The following POU6F2 variants were observed in gnomAD, a reference collection of about 807,000 sequenced individuals.
The protein encoded by POU6F2 is POU class 6 homeobox 2, also known as POU domain, class 6, transcription factor 2.
A neutral mutation model predicts 71.3 loss-of-function variants in POU6F2; 31 were observed. The observed-to-expected ratio is 0.43, with a 90% CI of 0.33 to 0.59. POU6F2 has a LOEUF of 0.59. Among genes scored for constraint, POU6F2 ranks in the 20% least tolerant of loss-of-function variants. POU6F2 has a pLI of 0.04. For missense variants in POU6F2, 783 were observed against 856.8 expected, an observed-to-expected ratio of 0.91 and a Z score of 1.07; for synonymous variants, 347 against 355.7, an observed-to-expected ratio of 0.98 and a Z score of 0.27.
intron 5 of POU6F2, among the ~76,000 whole-genome samples, chr7:39,350,504 C>T (rs1315614349): frequency 6.6e-6 from 1 of 152,192 alleles, no homozygotes; most frequent in Non-Finnish European, 1.5e-5. Flanking sequence ...GAGCAGTTCT[C>T]ACCTCCAGTA....
At chr7:39,157,558 T>C (rs895975701) in intron 2 of POU6F2, among the ~76,000 whole-genome samples, 4 of 152,226 alleles carry the variant, frequency 2.6e-5, no homozygotes, top group African/African-American at 9.6e-5. Flanking sequence ...GCATCCTTCA[T>C]ATAAATATAT....
chr7:39,276,722 A>G (rs1784446664), intron 4 of POU6F2, among the ~76,000 whole-genome samples: 2 of 152,110 alleles, frequency 1.3e-5, no homozygotes, highest in Admixed American at 1.3e-4. Context: ...CTATGCATCC[A>G]TAAAAAATGA....
intron 2 of POU6F2, among the ~76,000 whole-genome samples, chr7:39,168,539 G>C: frequency 6.6e-6 from 1 of 152,178 alleles, no homozygotes; most frequent in East Asian, 1.9e-4. Flanking sequence ...AAGCAATACA[G>C]ATTTGTTAAA....
In POU6F2 at chr7:39,191,468, G is replaced by GTAAATTTAAGAATTT. The variant is rs772596576; in HGVS notation, c.278-12767_278-12766insTAAATTTAAGAATTT. ...AAGAAGTAAATTTTTTAAGAATTTG[G>GTAAATTTAAGAATTT]ACTGAAAACCTGTAAGTTATAATCA... On this transcript the variant is annotated intron_variant, in intron 2 of 9. Transcript: ENST00000518318. 7.8e-3 allele frequency among the ~76,000 whole-genome samples: 1,180 copies of GTAAATTTAAGAATTT among 152,142 alleles called. 5 individuals carry two copies. Among genetic ancestry groups the GTAAATTTAAGAATTT allele is most frequent in the South Asian group, 0.021 (99 of 4,810 alleles).
intron 4 of POU6F2, among the ~76,000 whole-genome samples, chr7:39,244,302 C>T (rs1783781332): frequency 6.6e-6 from 1 of 152,046 alleles, no homozygotes; most frequent in Admixed American, 6.6e-5. Context: ...CAAACCATGC[C>T]CACGCTGCAA....
intron 1 of POU6F2, among the ~76,000 whole-genome samples, chr7:38,984,007 T>C (rs1472415704): frequency 6.6e-6 from 1 of 152,148 alleles, no homozygotes; most frequent in East Asian, 1.9e-4. Context: ...TAGCTGTTGA[T>C]ACTTGGCACT....
At chr7:39,098,904 A>C (rs1237151009) in intron 2 of POU6F2, among the ~76,000 whole-genome samples, 2 of 152,214 alleles carry the variant, frequency 1.3e-5, no homozygotes, top group Non-Finnish European at 2.9e-5. Context: ...TAAAACCAAC[A>C]AAAATTGTGG....
At chr7:39,252,399 G>GACACACACAC (rs55738894) in intron 4 of POU6F2, among the ~76,000 whole-genome samples, 10 of 144,268 alleles carry the variant, frequency 6.9e-5, no homozygotes, top group African/African-American at 2.6e-4. Flanking sequence ...CAGACAGACA[G>GACACACACAC]ACACACACAC....
intron 4 of POU6F2, among the ~76,000 whole-genome samples, chr7:39,303,532 C>T (rs1784992938): frequency 6.6e-6 from 1 of 152,156 alleles, no homozygotes; most frequent in Admixed American, 6.5e-5. Flanking sequence ...TTTTTATTGT[C>T]CTCTATTTTT....
intron 4 of POU6F2, among the ~76,000 whole-genome samples, chr7:39,256,349 A>G (rs1784022356): frequency 6.6e-6 from 1 of 152,194 alleles, no homozygotes; most frequent in African/African-American, 2.4e-5. Context: ...CGGGGTATCA[A>G]AATCCCCAGG....
chr7:39,056,678 ATG>A (rs3057270), intron 1 of POU6F2, among the ~76,000 whole-genome samples: 38 of 142,158 alleles, frequency 2.7e-4, no homozygotes, highest in Admixed American at 8.3e-4. Flanking sequence ...GTGTGTGTGT[ATG>A]TGTGTGTGTG....
chr7:39,205,947 A>G (rs988230611), intron 3 of POU6F2, among the ~76,000 whole-genome samples: 3 of 152,146 alleles, frequency 2.0e-5, no homozygotes, highest in Non-Finnish European at 4.4e-5. Flanking sequence ...GGATACAAGA[A>G]AGGGGTAAAA....
chr7:39,088,258 A>G (rs922496389), intron 2 of POU6F2, among the ~76,000 whole-genome samples: 1 of 152,186 alleles, frequency 6.6e-6, no homozygotes, highest in Non-Finnish European at 1.5e-5. Context: ...AATAGAAAGG[A>G]TCAGGAGGAA....
At chr7:38,994,387 A>G (rs1231446567) in intron 1 of POU6F2, among the ~76,000 whole-genome samples, 2 of 152,156 alleles carry the variant, frequency 1.3e-5, no homozygotes, top group African/African-American at 2.4e-5. Flanking sequence ...CAGGTCCCAG[A>G]GGAGGAAGGG....
intron 4 of POU6F2, among the ~76,000 whole-genome samples, chr7:39,280,826 ATCT>A (rs959796873): frequency 5.3e-5 from 8 of 152,228 alleles, no homozygotes; most frequent in Non-Finnish European, 8.8e-5. Flanking sequence ...GAATGAAGAC[ATCT>A]TCTGCCTACA....
intron 4 of POU6F2, among the ~76,000 whole-genome samples, chr7:39,208,203 A>G (rs1211947159): frequency 1.3e-5 from 2 of 152,332 alleles, no homozygotes; most frequent in East Asian, 3.9e-4. Flanking sequence ...AACAAGTCAG[A>G]CTCTAATTTT....
intron 4 of POU6F2, among the ~76,000 whole-genome samples, chr7:39,235,295 G>A (rs1394501679): frequency 6.6e-6 from 1 of 152,188 alleles, no homozygotes; most frequent in Non-Finnish European, 1.5e-5. Flanking sequence ...TATCTGGGCA[G>A]ATCATAATAA....
At chr7:39,350,450 A>G (rs1360464544) in intron 5 of POU6F2, among the ~76,000 whole-genome samples, 4 of 152,172 alleles carry the variant, frequency 2.6e-5, no homozygotes, top group Non-Finnish European at 5.9e-5. Context: ...AAATATAAAT[A>G]ATCTTGAACT....
At chr7:39,153,025 A>G (rs997598736) in intron 2 of POU6F2, among the ~76,000 whole-genome samples, 2 of 152,164 alleles carry the variant, frequency 1.3e-5, no homozygotes, top group Admixed American at 6.5e-5. Flanking sequence ...ACGCTTACTC[A>G]AGTGAGGTCT....
Sources: allele counts gnomAD v4.1 joint callset (sites outside exome capture counted in the v4.1 genomes callset), GRCh38; gene constraint gnomAD v4.1.1; transcripts MANE v1.5; gene names NCBI Gene and HGNC (gene_info 2026-07-23, HGNC 2026-07-21).